SWAP70: variants seen among roughly 807,000 people sequenced by gnomAD.
SWAP70 encodes switch-associated protein 70.
Under a neutral mutation model 80.2 loss-of-function variants are expected in SWAP70, and 34 were observed. The observed-to-expected ratio is 0.42, with a 90% CI of 0.32 to 0.56. The LOEUF (loss-of-function observed/expected upper bound fraction) is 0.56. Ranked by LOEUF, SWAP70 falls within the 20% of genes least tolerant of loss-of-function variation. The probability of loss-of-function intolerance (pLI) is 0.09; values close to 1 mark genes in which losing one functional copy is unlikely to be tolerated. For synonymous variants in SWAP70, 239 were observed against 238.5 expected (o/e 1.00, Z -0.02); for missense variants, 578 against 690.7 (o/e 0.84, Z 1.83).
chr11:9,720,317 A>G, intron 3 of SWAP70: 2 of 985,418 alleles, frequency 2.0e-6, no homozygotes, highest in Non-Finnish European at 1.2e-6. Flanking sequence ...TGACAACTTC[A>G]TAAGGCTTGG....
intron 9 of SWAP70, among the ~76,000 whole-genome samples, chr11:9,743,172 A>G (rs1851465442): frequency 6.8e-6 from 1 of 148,054 alleles, no homozygotes; most frequent in Admixed American, 6.7e-5. Context: ...TTCTTGCGAT[A>G]GTTTACTGAG....
At position 9,694,303 on chromosome 11, in the gene SWAP70, T is replaced by C; in HGVS notation, c.240+17T>C. On this transcript the variant is annotated intron_variant, in intron 2 of 11. Transcript: ENST00000318950. ...TTGGAAAAGGTATGATTCTAACCTT[T>C]TTTTGGGTGTAGCATTGTTTGGTTT... 1 of 1,602,664 alleles carries C rather than the reference T, an allele frequency of 6.2e-7. No homozygotes were observed. Among genetic ancestry groups the C allele is most frequent in the Non-Finnish European group, 8.5e-7 (1 of 1,174,588 alleles).
At chr11:9,729,930 TATTTGC>T (rs1851275367) in intron 6 of SWAP70, among the ~76,000 whole-genome samples, 1 of 152,276 alleles carries the variant, frequency 6.6e-6, no homozygotes, top group Non-Finnish European at 1.5e-5. Context: ...TCATTAGTTT[TATTTGC>T]ATAATGAACT....
rs192302112 is a variant in SWAP70 at position 9,705,489 on chromosome 11, G to A, written c.241-7977G>A. On this transcript the variant is annotated intron_variant, in intron 2 of 11. Transcript: ENST00000318950. ...GTACACTTGGTGATCTGTATACACT[G>A]GTGATCTGTATACACTGGTGATCTG... is the stretch of plus-strand genomic sequence containing the variant. 5.6e-5 allele frequency among the ~76,000 whole-genome samples: 8 copies of A among 142,884 alleles called. 1 individual carries two copies. The East Asian group carries it at 1.7e-3, about 30-fold the overall frequency. The allele number at this position is 142,884 out of a possible 152,430, so 93.7% of individuals were successfully genotyped here. A position where few individuals can be genotyped will look rare whatever the true frequency, so the allele number is the denominator to read the frequency against.
chr11:9,707,984 A>G (rs2134467524), intron 2 of SWAP70, among the ~76,000 whole-genome samples: 1 of 152,280 alleles, frequency 6.6e-6, no homozygotes, highest in East Asian at 1.9e-4. Context: ...TGCACCTGTC[A>G]CCCAAGAAGT....
At chr11:9,735,833 A>G (rs80164271) in intron 7 of SWAP70, among the ~76,000 whole-genome samples, 2 of 152,082 alleles carry the variant, frequency 1.3e-5, no homozygotes, top group Non-Finnish European at 2.9e-5. Context: ...CAACAGTTTT[A>G]CTGTGGTGTA....
intron 9 of SWAP70, among the ~76,000 whole-genome samples, chr11:9,747,269 C>A (rs938175449): frequency 6.6e-6 from 1 of 152,182 alleles, no homozygotes; most frequent in Non-Finnish European, 1.5e-5. Flanking sequence ...TCAGGATTGT[C>A]AGGGGATTAG....
chr11:9,749,990 C>G lies in SWAP70; in HGVS notation c.*20C>G, dbSNP rs551064755. The G allele has an allele frequency of 1.3e-6, 2 of 1,530,022 alleles. No homozygotes were observed. Among genetic ancestry groups the G allele is most frequent in the South Asian group, 2.2e-5 (2 of 89,326 alleles). 94.8% of individuals were successfully genotyped at this position (1,530,022 alleles called of 1,614,324 possible). On this transcript the variant is annotated 3_prime_UTR_variant, in exon 12 of 12. Transcript: ENST00000318950. ...GAGTGACTGAGCTTGCTGGCAGTCACGTCAGTTATGTAGATACTGCATGGC... is the reference window on the plus strand; with the variant it reads ...GAGTGACTGAGCTTGCTGGCAGTCAGGTCAGTTATGTAGATACTGCATGGC...
chr11:9,692,441 A>G (rs1241766831), intron 1 of SWAP70, among the ~76,000 whole-genome samples: 1 of 151,692 alleles, frequency 6.6e-6, no homozygotes, highest in African/African-American at 2.4e-5. Flanking sequence ...AAGATGGCAT[A>G]CATATTCTTA....
intron 3 of SWAP70, among the ~76,000 whole-genome samples, chr11:9,722,752 TATA>T (rs2133803497): frequency 6.6e-6 from 1 of 152,302 alleles, no homozygotes; most frequent in Non-Finnish European, 1.5e-5. Flanking sequence ...GTAAACTACT[TATA>T]ATCTATGGCA....
At chr11:9,725,559 ATATATATATATTTTTT>A (rs1851207400) in intron 4 of SWAP70, among the ~76,000 whole-genome samples, 2 of 11,848 alleles carry the variant, frequency 1.7e-4, no homozygotes, top group African/African-American at 6.7e-4. Flanking sequence ...ATATATATAT[ATATATATATATTTTTT>A]TTTTTTTTTT....
At chr11:9,705,673 G>A (rs190285239) in intron 2 of SWAP70, among the ~76,000 whole-genome samples, 2 of 133,320 alleles carry the variant, frequency 1.5e-5, no homozygotes, top group East Asian at 4.7e-4. Context: ...GGTGATCTGT[G>A]TACACTTGGT....
At chr11:9,749,414 T>C (rs1851556326) in intron 11 of SWAP70, among the ~76,000 whole-genome samples, 2 of 152,024 alleles carry the variant, frequency 1.3e-5, no homozygotes, top group African/African-American at 4.8e-5. Flanking sequence ...GACCGGCTAA[T>C]TTTTTGTATT....
At position 9,664,167 on chromosome 11, in the gene SWAP70, C is replaced by A; in HGVS notation, c.-13C>A. 1 of 1,560,118 alleles carries A rather than the reference C, an allele frequency of 6.4e-7. No individual in the cohort carries two copies. The highest frequency in any genetic ancestry group is 1.4e-5 in the African/African-American group (1 of 72,914). The stretch of plus-strand genomic sequence containing the variant: ...TGGGCAGGAGGGGTTGGCGGGGCAG[C>A]AGGGCCGCGGCCATGGGGAGCTTGA... On this transcript the variant is annotated 5_prime_UTR_variant, in exon 1 of 12. Transcript: ENST00000318950.
intron 7 of SWAP70, among the ~76,000 whole-genome samples, chr11:9,733,012 G>A (rs1362750683): frequency 6.6e-6 from 1 of 152,154 alleles, no homozygotes; most frequent in Non-Finnish European, 1.5e-5. Context: ...TCCCTTGAGG[G>A]TGTCAAGGCT....
intron 3 of SWAP70, among the ~76,000 whole-genome samples, chr11:9,714,807 ATT>A (rs71034737): frequency 0.066 from 8,379 of 127,264 alleles, 264 homozygotes; most frequent in Admixed American, 0.099. Context: ...CCAAAAGGGG[ATT>A]TTTTTTTTTT....
At chr11:9,674,981 A>T (rs1220822200) in intron 1 of SWAP70, among the ~76,000 whole-genome samples, 1 of 151,328 alleles carries the variant, frequency 6.6e-6, no homozygotes, top group Non-Finnish European at 1.5e-5. Context: ...AAAAAAAAAA[A>T]AAATTTTAAA....
At chr11:9,713,309 A>C (rs911003471) in intron 2 of SWAP70, among the ~76,000 whole-genome samples, 157 bp from the exon 3 acceptor site, 2 of 152,232 alleles carry the variant, frequency 1.3e-5, no homozygotes, top group African/African-American at 2.4e-5. Flanking sequence ...GAGCCACTGA[A>C]AGTGTAATAC....
rs967451424 is a variant in SWAP70 at position 9,752,895 on chromosome 11, T to A, written c.*2925T>A. 3 of 152,214 alleles carry A rather than the reference T, an allele frequency of 2.0e-5. No homozygotes were observed. The highest frequency in any genetic ancestry group is 7.2e-5 in the African/African-American group (3 of 41,460). The allele number at this position is 152,214 out of a possible 1,614,324, so 9.4% of individuals were successfully genotyped here. A position where few individuals can be genotyped will look rare whatever the true frequency, so the allele number is the denominator to read the frequency against. ...TTTTCTAAGATACATTAAAAATGTT[T>A]TATATTTTTTTTTAAGTAAAATGGA... is the stretch of plus-strand genomic sequence containing the variant. On this transcript the variant is annotated 3_prime_UTR_variant, in exon 12 of 12. Transcript: ENST00000318950.
Sources: gnomAD v4.1 joint callset for allele counts (sites outside exome capture counted in the v4.1 genomes callset) on GRCh38, gnomAD v4.1.1 for gene constraint, MANE v1.5 for transcripts, NCBI Gene and HGNC (gene_info 2026-07-23, HGNC 2026-07-21) for gene names.